SLC2A9: variants seen among roughly 807,000 people sequenced by gnomAD.
SLC2A9 encodes the protein solute carrier family 2 member 9.
Under a neutral mutation model 50.6 loss-of-function variants are expected in SLC2A9, and 39 were observed. The ratio of observed to expected loss-of-function variants is 0.77; its 90% CI spans 0.60 to 1.01. SLC2A9 has a LOEUF of 1.01. Among genes scored for constraint, SLC2A9 ranks in the 50% least tolerant of loss-of-function variants. The pLI, the probability that SLC2A9 is intolerant of heterozygous loss-of-function variation, is 0.00. For synonymous variants in SLC2A9, 324 were observed against 276.9 expected (o/e 1.17, Z -1.69); for missense variants, 686 against 677.6 (o/e 1.01, Z -0.14).
At chr4:9,903,528 G>A (rs918376079) in intron 8 of SLC2A9, among the ~76,000 whole-genome samples, 11 of 152,026 alleles carry the variant, frequency 7.2e-5, no homozygotes, top group Non-Finnish European at 1.0e-4. Flanking sequence ...GAAAGATGGC[G>A]ATTATTTACA....
chr4:9,934,568 G>A (rs1055701841), intron 6 of SLC2A9, among the ~76,000 whole-genome samples: 2 of 152,248 alleles, frequency 1.3e-5, no homozygotes, highest in African/African-American at 2.4e-5. Context: ...TCCTAGCCAT[G>A]AGCAGATGAG....
At chr4:9,945,744 T>C (rs528885532) in intron 5 of SLC2A9, among the ~76,000 whole-genome samples, 10 of 152,342 alleles carry the variant, frequency 6.6e-5, no homozygotes, top group Non-Finnish European at 2.9e-5. Flanking sequence ...TGGCCCTTGA[T>C]GGAGCTCCTG....
chr4:9,868,910 C>A (rs1167510045), intron 10 of SLC2A9, among the ~76,000 whole-genome samples: 1 of 152,160 alleles, frequency 6.6e-6, no homozygotes, highest in Non-Finnish European at 1.5e-5. Context: ...GGAACACCCC[C>A]CAAAGGCATG....
intron 6 of SLC2A9, chr4:9,923,872 T>A (rs138891244): frequency 6.6e-6 from 1 of 152,332 alleles, no homozygotes; most frequent in African/African-American, 2.4e-5. Flanking sequence ...TCTGGAATGT[T>A]CTTTTGACCT....
intron 10 of SLC2A9, among the ~76,000 whole-genome samples, chr4:9,863,642 A>G (rs1314339943): frequency 6.6e-6 from 1 of 152,064 alleles, no homozygotes; most frequent in Non-Finnish European, 1.5e-5. Context: ...TTTTGTTTCA[A>G]TAAAGAAGTT....
chr4:10,031,421 C>G (rs1392443399), intron 1 of SLC2A9, among the ~76,000 whole-genome samples: 1 of 152,196 alleles, frequency 6.6e-6, no homozygotes, highest in African/African-American at 2.4e-5. Flanking sequence ...CGGATCCAAT[C>G]GAATTAGCTT....
chr4:10,032,521 C>G (rs1763968767), intron 1 of SLC2A9, among the ~76,000 whole-genome samples: 1 of 152,030 alleles, frequency 6.6e-6, no homozygotes, highest in Non-Finnish European at 1.5e-5. Flanking sequence ...GAGCTGCTGG[C>G]TGCTGGGCTG....
intron 10 of SLC2A9, among the ~76,000 whole-genome samples, chr4:9,857,381 G>T (rs1730900036): frequency 6.6e-6 from 1 of 152,170 alleles, no homozygotes; most frequent in Non-Finnish European, 1.5e-5. Context: ...ACAGTCCCTG[G>T]GCCAGACAGT....
chr4:9,864,612 C>A (rs1732152795), intron 10 of SLC2A9, among the ~76,000 whole-genome samples: 1 of 152,336 alleles, frequency 6.6e-6, no homozygotes, highest in East Asian at 1.9e-4. Context: ...TAAGGTCACA[C>A]AGCTGTTAAG....
chr4:10,023,875 G>T (rs1467337877), upstream of SLC2A9, among the ~76,000 whole-genome samples: 1 of 152,196 alleles, frequency 6.6e-6, no homozygotes, highest in Non-Finnish European at 1.5e-5. Context: ...ATTCCACAGG[G>T]CCATCGGCCC....
intron 4 of SLC2A9, 41 bp downstream of exon 4, chr4:9,985,628 G>T: frequency 6.2e-7 from 1 of 1,613,334 alleles, no homozygotes; most frequent in Non-Finnish European, 8.5e-7. Context: ...CACCCCCAAG[G>T]AGTATGTTAC....
chr4:9,965,616 T>C (rs1022898325), intron 5 of SLC2A9, among the ~76,000 whole-genome samples: 4 of 152,206 alleles, frequency 2.6e-5, no homozygotes, highest in Non-Finnish European at 5.9e-5. Context: ...AAACTGGTAA[T>C]GAATGAGGAT....
At chr4:9,996,660 T>A in intron 3 of SLC2A9, 121 bp downstream of exon 3, 1 of 1,244,434 alleles carries the variant, frequency 8.0e-7, no homozygotes, top group Non-Finnish European at 1.1e-6. Flanking sequence ...CCTTTGGGCA[T>A]TTGAATCTCT....
chr4:9,782,499 C>A (rs771867152), intron 3 of SLC2A9: 3 of 1,614,002 alleles, frequency 1.9e-6, no homozygotes, highest in Admixed American at 3.3e-5. Context: ...CAGCGCATGG[C>A]CTTGGTCATG....
chr4:9,980,814 T>C (rs1755616116), intron 4 of SLC2A9, 77 bp from the exon 5 acceptor site: 7 of 1,594,216 alleles, frequency 4.4e-6, no homozygotes, highest in African/African-American at 1.3e-5. Flanking sequence ...ATGCCTCTCT[T>C]GGCTCTGCTT....
At chr4:9,940,623 G>A (rs374372575) in intron 6 of SLC2A9, among the ~76,000 whole-genome samples, 26 of 152,134 alleles carry the variant, frequency 1.7e-4, no homozygotes, top group African/African-American at 2.9e-4. Flanking sequence ...TTTGGGAAAC[G>A]GAATTCATCC....
intron 10 of SLC2A9, among the ~76,000 whole-genome samples, chr4:9,854,790 A>T (rs1730482387): frequency 6.6e-6 from 1 of 152,126 alleles, no homozygotes; most frequent in Non-Finnish European, 1.5e-5. Context: ...TATCCCTGGG[A>T]TGTAAGATTC....
chr4:9,828,341 C>G (rs1429313766), intron 11 of SLC2A9, among the ~76,000 whole-genome samples: 1 of 152,236 alleles, frequency 6.6e-6, no homozygotes, highest in Non-Finnish European at 1.5e-5. Flanking sequence ...ACTGATTTCC[C>G]TGCTTTTCAC....
chr4:9,887,662 G>A lies in SLC2A9; in HGVS notation c.1216-20C>T. 1 of 1,486,772 alleles carries A rather than the reference G, an allele frequency of 6.7e-7. No homozygotes were observed. Among genetic ancestry groups the A allele is most frequent in the Non-Finnish European group, 9.0e-7 (1 of 1,112,930 alleles). The allele number at this position is 1,486,772 out of a possible 1,614,324, so 92.1% of individuals were successfully genotyped here. A position where few individuals can be genotyped will look rare whatever the true frequency, so the allele number is the denominator to read the frequency against. On this transcript the variant is annotated intron_variant, in intron 9 of 11. Coordinates refer to ENST00000264784, the MANE Select transcript of SLC2A9 (RefSeq NM_020041.3). Reference sequence around the variant, plus strand: ...GTGGTCCTGGGAGAGAACAGGGAGTGGTCAGGTGAGGAGGTGATGGTGTGA... The same window carrying A: ...GTGGTCCTGGGAGAGAACAGGGAGTAGTCAGGTGAGGAGGTGATGGTGTGA...
Sources: gnomAD v4.1 joint callset for allele counts (sites outside exome capture counted in the v4.1 genomes callset) on GRCh38, gnomAD v4.1.1 for gene constraint, MANE v1.5 for transcripts, NCBI Gene and HGNC (gene_info 2026-07-23, HGNC 2026-07-21) for gene names.